HEXB: variants seen among roughly 807,000 people sequenced by gnomAD.
HEXB encodes beta-hexosaminidase subunit beta.
Under a neutral mutation model 71.2 loss-of-function variants are expected in HEXB, and 51 were observed. That is an observed-to-expected ratio of 0.72 (90% CI 0.57 to 0.90). The LOEUF (loss-of-function observed/expected upper bound fraction) is 0.90. Among genes scored for constraint, HEXB ranks in the 40% least tolerant of loss-of-function variants. The pLI, the probability that HEXB is intolerant of heterozygous loss-of-function variation, is 0.00. For missense variants in HEXB, 617 were observed against 677.0 expected (o/e 0.91, Z 0.98); for synonymous variants, 266 against 249.3 (o/e 1.07, Z -0.63).
In HEXB at chr5:74,702,078, T is replaced by C. The variant is rs1011777211; in HGVS notation, c.670-3141T>C. The stretch of plus-strand genomic sequence containing the variant: ...CTATCTTTCCTTGTCTTTTTTTTTT[T>C]TTTTTTTTTTTTTTTTTTGAGACGG... On this transcript the variant is annotated intron_variant, in intron 5 of 13. Transcript: ENST00000261416. Among the ~76,000 whole-genome samples the C allele has an allele frequency of 8.1e-3, 1,031 of 126,870 alleles. 8 individuals are homozygous for C. The highest frequency in any genetic ancestry group is 0.013 in the Non-Finnish European group (798 of 60,516). 83.2% of individuals were successfully genotyped at this position (126,870 alleles called of 152,430 possible).
At chr5:74,706,641 T>C (rs1173999370) in intron 6 of HEXB, among the ~76,000 whole-genome samples, 1 of 152,164 alleles carries the variant, frequency 6.6e-6, no homozygotes, top group African/African-American at 2.4e-5. Context: ...ACCAGGATAT[T>C]ATATCCTGCA....
At position 74,652,450 on chromosome 5, in the gene HEXB, A is replaced by T. The variant is rs1056808953; in HGVS notation, c.-377+11892A>T. On this transcript the variant is annotated intron_variant, in intron 1 of 13. Coordinates refer to the HEXB transcript ENST00000511181. The surrounding 1 kb of genome is among the most constrained non-coding windows in gnomAD (Gnocchi z 5.4). The stretch of plus-strand genomic sequence containing the variant: ...TGTATTTGCTTAATCAATGGTACGA[A>T]AATTGCAGCCGCTCCCATGTGTTGG... Among the ~76,000 whole-genome samples the T allele has an allele frequency of 3.3e-5, 5 of 152,212 alleles. No homozygotes were observed. The highest frequency in any genetic ancestry group is 1.2e-4 in the African/African-American group (5 of 41,452).
intron 5 of HEXB, among the ~76,000 whole-genome samples, chr5:74,698,173 G>A (rs2112143733): frequency 6.6e-6 from 1 of 151,758 alleles, no homozygotes; most frequent in South Asian, 2.1e-4. Flanking sequence ...TGCCTGACAG[G>A]TTCAAGCAAT....
At chr5:74,667,113 G>A (rs962193685) in intron 1 of HEXB, among the ~76,000 whole-genome samples, 2 of 152,072 alleles carry the variant, frequency 1.3e-5, no homozygotes, top group Non-Finnish European at 2.9e-5. Flanking sequence ...TAACAAGCAG[G>A]TATTAATTTA....
Position 74,685,504 on chromosome 5 carries a change from A to C in HEXB, c.244A>C (p.Ser82Arg). Residue 82 changes from serine (S) to arginine (R), a missense_variant, in exon 1 of 14, where the codon AGC becomes CGC. Physicochemically the swap from Ser to Arg is moderately radical, Grantham distance 110. Coordinates refer to ENST00000261416, the MANE Select transcript of HEXB (RefSeq NM_000521.4). Reference sequence around the variant, plus strand: ...CCCGGAGAACTTCTACATCAGCCACAGCCCCAATTCCACGGCGGGCCCCTC... The same window carrying C: ...CCCGGAGAACTTCTACATCAGCCACCGCCCCAATTCCACGGCGGGCCCCTC... ...LAPENFYISH[S>R]PNSTAGPSCT... The C allele has an allele frequency of 6.2e-7, 1 of 1,607,980 alleles. No individual in the cohort carries two copies. Among genetic ancestry groups the C allele is most frequent in the Non-Finnish European group, 8.5e-7 (1 of 1,177,532 alleles).
At chr5:74,689,018 G>A (rs1321957830) in intron 1 of HEXB, among the ~76,000 whole-genome samples, 1 of 151,190 alleles carries the variant, frequency 6.6e-6, no homozygotes, top group Non-Finnish European at 1.5e-5. Flanking sequence ...CAAGAGTGAT[G>A]GATTACCATG....
At position 74,713,812 on chromosome 5, in the gene HEXB, C is replaced by T. The variant is rs547260248; in HGVS notation, c.901+177C>T. Among the ~76,000 whole-genome samples the T allele has an allele frequency of 6.6e-5, 10 of 152,086 alleles. 1 individual carries two copies. Among genetic ancestry groups the T allele is most frequent in the South Asian group, 6.2e-4 (3 of 4,812 alleles). ...CTGAGTAGCTGAGACTACAGGCATG[C>T]GCCACCATGCCCAGCTAATTTTTGT... On this transcript the variant is annotated intron_variant, in intron 7 of 13. Coordinates refer to ENST00000261416, the MANE Select transcript of HEXB (RefSeq NM_000521.4).
At chr5:74,680,866 T>C (rs1748725015), upstream of HEXB, among the ~76,000 whole-genome samples, 1 of 152,196 alleles carries the variant, frequency 6.6e-6, no homozygotes, top group African/African-American at 2.4e-5. Context: ...TTTTAAGCAA[T>C]GGTGTTACAT....
intron 11 of HEXB, 152 bp downstream of exon 11, chr5:74,719,123 G>T: frequency 1.4e-6 from 1 of 735,764 alleles, no homozygotes; most frequent in Non-Finnish European, 2.4e-6. Context: ...TATCTTTTAT[G>T]TTTGATCCTT....
chr5:74,667,416 T>C (rs1748451560), intron 1 of HEXB, among the ~76,000 whole-genome samples: 1 of 149,824 alleles, frequency 6.7e-6, no homozygotes, highest in Non-Finnish European at 1.5e-5. Context: ...CAAAACTCTC[T>C]CAAAAAAAAA....
At position 74,720,436 on chromosome 5, in the gene HEXB, A is replaced by G. The variant is rs1300424001; in HGVS notation, c.1426A>G (p.Lys476Glu). 2 of 1,609,858 alleles carry G rather than the reference A, an allele frequency of 1.2e-6. No homozygotes were observed. Among genetic ancestry groups the G allele is most frequent in the Non-Finnish European group, 1.7e-6 (2 of 1,176,070 alleles). Reference sequence around the variant, plus strand: ...CAATGATTTTAATTTAGGTACTCAGAAACAGAAACAACTTTTCATTGGTGG... The same window carrying G: ...CAATGATTTTAATTTAGGTACTCAGGAACAGAAACAACTTTTCATTGGTGG... ...VEPLDFGGTQ[K>E]QKQLFIGGEA... is the part of the protein sequence containing the mutation. The change falls in exon 12 of 14, where the codon AAA (lysine) becomes GAA (glutamate). Residue 476 changes from lysine to glutamate, a missense_variant. Lys to Glu is a moderately conservative substitution (Grantham distance 56). Transcript: ENST00000261416.
chr5:74,720,550 T>G (rs2112185576), intron 12 of HEXB, 32 bp downstream of exon 12: 1 of 1,592,926 alleles, frequency 6.3e-7, no homozygotes, highest in Non-Finnish European at 8.6e-7. Context: ...ATTTAAGAAT[T>G]AAGGTGCCTT....
chr5:74,642,597 C>T (rs1221716746), intron 1 of HEXB, among the ~76,000 whole-genome samples: 5 of 152,090 alleles, frequency 3.3e-5, no homozygotes, highest in Non-Finnish European at 7.4e-5. Flanking sequence ...ACTCTGTCTG[C>T]TTCCTTTGTG....
At chr5:74,715,437 AAAAT>A in intron 7 of HEXB, 69 bp from the exon 8 acceptor site, 1 of 1,040,590 alleles carries the variant, frequency 9.6e-7, no homozygotes, top group Non-Finnish European at 1.5e-6. Context: ...ATGACGTAGT[AAAAT>A]CATGTGGAAA....
At chr5:74,706,389 G>T (rs898074263) in intron 6 of HEXB, among the ~76,000 whole-genome samples, 6 of 152,364 alleles carry the variant, frequency 3.9e-5, no homozygotes, top group African/African-American at 1.4e-4. Context: ...GGTGATTTCT[G>T]CATTTCCATC....
chr5:74,649,405 T>G (rs550920765), intron 1 of HEXB, among the ~76,000 whole-genome samples: 70 of 152,300 alleles, frequency 4.6e-4, no homozygotes, highest in African/African-American at 1.7e-3. Context: ...TCCCTAACAT[T>G]TATATGGTCT....
In HEXB at chr5:74,641,969, C is replaced by CGTCCCCGG. The variant is rs1561197483; in HGVS notation, c.-377+1419_-377+1426dup. 6.6e-6 allele frequency among the ~76,000 whole-genome samples: 1 copy of CGTCCCCGG among 152,132 alleles called. No individual in the cohort carries two copies. The highest frequency in any genetic ancestry group is 1.5e-5 in the Non-Finnish European group (1 of 68,018). ...GAGGGCCCCACGACAGAGTTTATTC[C>CGTCCCCGG]GTCCCCGGGTCCCCGCGTCCCCAAG... On this transcript the variant is annotated intron_variant, in intron 1 of 13. Coordinates refer to the HEXB transcript ENST00000511181. This position sits in a 1 kb window ranked among gnomAD's most constrained non-coding sequence, Gnocchi z 4.1.
At chr5:74,712,964 T>C (rs535847559) in intron 6 of HEXB, among the ~76,000 whole-genome samples, 43 of 152,278 alleles carry the variant, frequency 2.8e-4, no homozygotes, top group Non-Finnish European at 3.8e-4. Context: ...ATATGGGAAT[T>C]TTTCAAGCTT....
chr5:74,670,280 C>T (rs1215930087), intron 1 of HEXB, among the ~76,000 whole-genome samples: 1 of 151,634 alleles, frequency 6.6e-6, no homozygotes, highest in Non-Finnish European at 1.5e-5. Flanking sequence ...TCAGTACACA[C>T]TCCCTATTCT....
Sources: gnomAD v4.1 joint callset for allele counts (sites outside exome capture counted in the v4.1 genomes callset) on GRCh38, gnomAD v4.1.1 for gene constraint, Gnocchi (gnomAD v3.1) non-coding constraint, MANE v1.5 for transcripts, NCBI Gene and HGNC (gene_info 2026-07-23, HGNC 2026-07-21) for gene names.